CALD1: variants seen among roughly 807,000 people sequenced by gnomAD.
CALD1 encodes the protein caldesmon 1.
A neutral mutation model predicts 99.9 loss-of-function variants in CALD1; 33 were observed. The observed-to-expected ratio is 0.33, with a 90% CI of 0.25 to 0.44. CALD1 has a LOEUF of 0.44. Among genes scored for constraint, CALD1 ranks in the 20% least tolerant of loss-of-function variants. The pLI, the probability that CALD1 is intolerant of heterozygous loss-of-function variation, is 1.00. For synonymous variants in CALD1, 310 were observed against 325.0 expected (o/e 0.95, Z 0.50); for missense variants, 861 against 962.1 (o/e 0.89, Z 1.39).
chr7:134,762,810 G>C (rs1796790665), intron 1 of CALD1, among the ~76,000 whole-genome samples: 1 of 152,094 alleles, frequency 6.6e-6, no homozygotes, highest in Non-Finnish European at 1.5e-5. Context: ...TCCAACATTG[G>C]GGATTACAAC....
In CALD1 at chr7:134,907,649, T is replaced by G. The variant is rs1803492977; in HGVS notation, c.72-21105T>G. On this transcript the variant is annotated intron_variant, in intron 3 of 14. Transcript: ENST00000361675. ...ATTTACAAAAAATATTAGGATTGTG[T>G]TTTTTTGGTTTGGACTTTAAAAAAA... Among the ~76,000 whole-genome samples the G allele has an allele frequency of 2.0e-5, 3 of 152,146 alleles. No individual in the cohort carries two copies. In the South Asian group the frequency reaches 6.2e-4, roughly 32 times the overall value.
At chr7:134,925,126 C>T (rs1376793531) in intron 3 of CALD1, among the ~76,000 whole-genome samples, 1 of 152,036 alleles carries the variant, frequency 6.6e-6, no homozygotes, top group African/African-American at 2.4e-5. Flanking sequence ...AAAATGGGCT[C>T]CCAATGGAGA....
chr7:134,735,990 C>T, the CALD1 span, among the ~76,000 whole-genome samples: 24,623 of 152,088 alleles, frequency 0.16, 2,205 homozygotes, highest in East Asian at 0.22. Context: ...GTAAGAGCGA[C>T]TCATACCTAA....
At chr7:134,930,831 C>T (rs1368151918) in intron 4 of CALD1, among the ~76,000 whole-genome samples, 1 of 152,146 alleles carries the variant, frequency 6.6e-6, no homozygotes, top group Non-Finnish European at 1.5e-5. Flanking sequence ...TTCACTGTTA[C>T]CAGATTCTTA....
At chr7:134,728,161 T>G in the CALD1 span, among the ~76,000 whole-genome samples, 2 of 118 alleles carry the variant, frequency 0.017, no homozygotes, top group Non-Finnish European at 0.033. Flanking sequence ...AGAATGACGT[T>G]GAGCCTATTT....
intron 1 of CALD1, among the ~76,000 whole-genome samples, chr7:134,812,807 G>A (rs79389070): frequency 0.022 from 3,296 of 152,238 alleles, 96 homozygotes; most frequent in African/African-American, 0.065. Flanking sequence ...AAGAGGTCCT[G>A]AATATATTTT....
intron 3 of CALD1, among the ~76,000 whole-genome samples, chr7:134,921,450 T>C (rs1173317234): frequency 6.6e-6 from 1 of 152,212 alleles, no homozygotes; most frequent in Non-Finnish European, 1.5e-5. Context: ...CAGTTAGCAG[T>C]GGCTATCTTA....
chr7:134,900,649 G>C (rs954776036), intron 3 of CALD1, among the ~76,000 whole-genome samples: 1 of 152,106 alleles, frequency 6.6e-6, no homozygotes, highest in African/African-American at 2.4e-5. Context: ...TCATGACACA[G>C]TGTATGACCA....
At chr7:134,767,133 C>T (rs1001686185) in intron 1 of CALD1, among the ~76,000 whole-genome samples, 13 of 152,076 alleles carry the variant, frequency 8.5e-5, no homozygotes, top group Admixed American at 2.0e-4. Flanking sequence ...GGGACCAGAC[C>T]GCGAAGCTGC....
chr7:134,789,962 A>G (rs17205066), intron 1 of CALD1, among the ~76,000 whole-genome samples: 47,641 of 150,996 alleles, frequency 0.32, 8,029 homozygotes, highest in East Asian at 0.63. Flanking sequence ...TTTATCTAGT[A>G]TAGCTAAAGA....
At chr7:134,725,222 G>A in the CALD1 span, among the ~76,000 whole-genome samples, 8 of 152,128 alleles carry the variant, frequency 5.3e-5, no homozygotes, top group Non-Finnish European at 4.4e-5. Flanking sequence ...CTCAAAGTAA[G>A]CCTTTCCTTA....
At chr7:134,729,797 T>C in the CALD1 span, among the ~76,000 whole-genome samples, 2 of 151,860 alleles carry the variant, frequency 1.3e-5, no homozygotes, top group Non-Finnish European at 2.9e-5. Context: ...CTTAAGGAGG[T>C]GGAGAATTAC....
At chr7:134,947,098 T>C (rs937173638) in intron 7 of CALD1, among the ~76,000 whole-genome samples, 1 of 152,214 alleles carries the variant, frequency 6.6e-6, no homozygotes, top group Non-Finnish European at 1.5e-5. Flanking sequence ...TTGGTCCTTG[T>C]AAATAATGCT....
chr7:134,720,745 A>G, the CALD1 span, among the ~76,000 whole-genome samples: 6 of 152,216 alleles, frequency 3.9e-5, no homozygotes, highest in African/African-American at 1.2e-4. Context: ...AACAACAGAG[A>G]GTGGGGAATG....
At chr7:134,802,109 AGT>A (rs1491588831) in intron 1 of CALD1, among the ~76,000 whole-genome samples, 1 of 94,736 alleles carries the variant, frequency 1.1e-5, no homozygotes, top group African/African-American at 3.3e-5. Flanking sequence ...GTATGTGTGT[AGT>A]ATATATATAT....
chr7:134,936,398 GAAC>G (rs949227290), intron 6 of CALD1, among the ~76,000 whole-genome samples: 18 of 152,178 alleles, frequency 1.2e-4, no homozygotes, highest in African/African-American at 4.3e-4. Flanking sequence ...ACAGTAATCA[GAAC>G]ACCACATCAG....
Position 134,934,026 on chromosome 7 carries a change from T to C in CALD1, c.1257T>C (p.Asn419=), listed in dbSNP as rs749597641. ...VEQKIEGKWV[N]EKKAQEDKLQ... Reference sequence around the variant, plus strand: ...AGAAAATAGAAGGGAAATGGGTAAATGAAAAGAAAGCACAAGAAGATAAAC... The same window carrying C: ...AGAAAATAGAAGGGAAATGGGTAAACGAAAAGAAAGCACAAGAAGATAAAC... The change falls in exon 5 of 15, where the codon AAT becomes AAC. Residue 419 remains asparagine, a synonymous_variant. Coordinates refer to ENST00000361675, the MANE Select transcript of CALD1 (RefSeq NM_033138.4). 6 of 1,612,734 alleles carry C rather than the reference T, an allele frequency of 3.7e-6. No individual in the cohort carries two copies. The East Asian group carries it at 1.1e-4, about 30-fold the overall frequency.
upstream of CALD1, among the ~76,000 whole-genome samples, chr7:134,743,894 G>A (rs192891326): frequency 1.3e-5 from 2 of 152,314 alleles, no homozygotes; most frequent in African/African-American, 4.8e-5. Context: ...CATGCGTAAA[G>A]TTGAGGTCTA....
intron 6 of CALD1, among the ~76,000 whole-genome samples, chr7:134,936,552 C>T (rs529697763): frequency 5.3e-5 from 8 of 152,304 alleles, no homozygotes; most frequent in South Asian, 2.1e-4. Context: ...CGAAGTTCTT[C>T]GCCTATGAGA....
Sources: gnomAD v4.1 joint callset for allele counts (sites outside exome capture counted in the v4.1 genomes callset) on GRCh38, gnomAD v4.1.1 for gene constraint, MANE v1.5 for transcripts, NCBI Gene and HGNC (gene_info 2026-07-23, HGNC 2026-07-21) for gene names.